UROS: variants seen among roughly 807,000 people sequenced by gnomAD.
UROS encodes uroporphyrinogen III synthase.
Under a neutral mutation model 33.0 loss-of-function variants are expected in UROS, and 18 were observed. The ratio of observed to expected loss-of-function variants is 0.55; its 90% CI spans 0.38 to 0.81. The LOEUF (loss-of-function observed/expected upper bound fraction) is 0.81, where lower values mean the gene tolerates loss of function less well. UROS is among the 30% of genes least tolerant of loss of function. UROS has a pLI of 0.00. For synonymous variants in UROS, 114 were observed against 121.1 expected, an observed-to-expected ratio of 0.94 and a Z score of 0.38; for missense variants, 293 against 314.9, an observed-to-expected ratio of 0.93 and a Z score of 0.53.
At chr10:125,790,811 C>T (rs183912988) in intron 9 of UROS, among the ~76,000 whole-genome samples, 1 of 146,264 alleles carries the variant, frequency 6.8e-6, no homozygotes, top group Non-Finnish European at 1.5e-5. Flanking sequence ...TATTCAGAGG[C>T]CAGGCGCCGT....
At chr10:125,800,827 C>T (rs906664053) in intron 6 of UROS, among the ~76,000 whole-genome samples, 3 of 152,186 alleles carry the variant, frequency 2.0e-5, no homozygotes, top group Non-Finnish European at 4.4e-5. Flanking sequence ...GCCTCGGCCT[C>T]CCAAAGTGCT....
intron 8 of UROS, chr10:125,795,249 T>G (rs997894241): frequency 2.0e-6 from 1 of 498,120 alleles, no homozygotes; most frequent in Non-Finnish European, 3.7e-6. Flanking sequence ...CCGGAGCTCA[T>G]GTGCCCAGCA....
intron 1 of UROS, chr10:125,819,661 A>T (rs1256245762): frequency 1.3e-5 from 2 of 152,516 alleles, no homozygotes; most frequent in Non-Finnish European, 2.9e-5. Context: ...CATCAAGCAG[A>T]TCAGAGGCAC....
At chr10:125,812,877 A>G (rs990149673) in intron 4 of UROS, among the ~76,000 whole-genome samples, 1 of 152,228 alleles carries the variant, frequency 6.6e-6, no homozygotes, top group Non-Finnish European at 1.5e-5. Context: ...AGAAACACAA[A>G]GAGAAAATGG....
At chr10:125,787,991 A>T (rs1292554016), downstream of UROS, among the ~76,000 whole-genome samples, 2 of 152,110 alleles carry the variant, frequency 1.3e-5, no homozygotes, top group African/African-American at 4.8e-5. Flanking sequence ...CTGTTTCCTC[A>T]CCAGAAAAAT....
intron 1 of UROS, among the ~76,000 whole-genome samples, chr10:125,820,158 G>A (rs1590024903): frequency 6.6e-6 from 1 of 152,174 alleles, no homozygotes; most frequent in East Asian, 1.9e-4. Flanking sequence ...AGAACCAATG[G>A]CATATATTTA....
chr10:125,786,278 C>CT (rs751762144), downstream of UROS, among the ~76,000 whole-genome samples: 1,499 of 138,524 alleles, frequency 0.011, 12 homozygotes, highest in Non-Finnish European at 0.015. Context: ...GCACATGAAC[C>CT]TTTTTTTTTT....
intron 1 of UROS, among the ~76,000 whole-genome samples, chr10:125,819,332 C>T (rs1212305173): frequency 6.6e-6 from 1 of 152,142 alleles, no homozygotes; most frequent in Non-Finnish European, 1.5e-5. Context: ...TTGCCTCGGT[C>T]ACTTTTTCTG....
chr10:125,791,774 T>C (rs942663644), intron 9 of UROS: 2 of 152,098 alleles, frequency 1.3e-5, no homozygotes, highest in Non-Finnish European at 2.9e-5. Flanking sequence ...GGTAAATCCA[T>C]GGAGATGAAA....
At chr10:125,822,368 T>C (rs1327448822) in intron 1 of UROS, among the ~76,000 whole-genome samples, 1 of 148,374 alleles carries the variant, frequency 6.7e-6, no homozygotes, top group Non-Finnish European at 1.5e-5. Flanking sequence ...CAGGCTGGAG[T>C]GTGGAGTGCG....
At chr10:125,816,153 G>A (rs749789205) in intron 3 of UROS, 24 bp downstream of exon 3, 9 of 1,602,386 alleles carry the variant, frequency 5.6e-6, no homozygotes, top group Non-Finnish European at 6.8e-6. Flanking sequence ...CACTAACATG[G>A]TGCTCAGTCA....
chr10:125,789,200 C>A, intron 9 of UROS, 195 bp from the exon 10 acceptor site: 2 of 1,439,436 alleles, frequency 1.4e-6, no homozygotes, highest in South Asian at 2.8e-5. Context: ...TGCATCCACG[C>A]TCTCATCAGT....
intron 3 of UROS, among the ~76,000 whole-genome samples, chr10:125,815,689 T>C (rs1281550471): frequency 6.6e-6 from 1 of 152,230 alleles, no homozygotes; most frequent in African/African-American, 2.4e-5. Context: ...TCTCCTGCAA[T>C]TTTTATCACT....
At chr10:125,797,584 TCA>T (rs1305790470) in intron 7 of UROS, among the ~76,000 whole-genome samples, 1 of 152,182 alleles carries the variant, frequency 6.6e-6, no homozygotes, top group Admixed American at 6.5e-5. Flanking sequence ...GCAGCATGCT[TCA>T]GAGGCAAGAA....
At chr10:125,821,239 T>G (rs1330010263) in intron 1 of UROS, among the ~76,000 whole-genome samples, 1 of 152,212 alleles carries the variant, frequency 6.6e-6, no homozygotes, top group Non-Finnish European at 1.5e-5. Context: ...GTAACCAAAA[T>G]GTTTACCGAC....
At chr10:125,819,275 C>G (rs762176854) in intron 1 of UROS, among the ~76,000 whole-genome samples, 2 of 152,204 alleles carry the variant, frequency 1.3e-5, no homozygotes, top group African/African-American at 4.8e-5. Flanking sequence ...AGCCACTGCA[C>G]CCGGCCTAAA....
chr10:125,812,398 G>A lies in UROS; in HGVS notation c.245-110C>T, dbSNP rs1007585309. The A allele has an allele frequency of 2.1e-5, 19 of 915,802 alleles. No individual in the cohort carries two copies. The African/African-American group carries it at 3.0e-4, about 14-fold the overall frequency. 56.7% of individuals were successfully genotyped at this position (915,802 alleles called of 1,614,324 possible). On this transcript the variant is annotated intron_variant, in intron 4 of 9. Coordinates refer to ENST00000368797, the MANE Select transcript of UROS (RefSeq NM_000375.3). ...AAACTGTGAGCAAAGCAAACTATTA[G>A]CAACCAAATGTAAAAAACAGCATCT...
At chr10:125,804,837 A>C (rs2133884019) in intron 6 of UROS, among the ~76,000 whole-genome samples, 1 of 152,304 alleles carries the variant, frequency 6.6e-6, no homozygotes, top group South Asian at 2.1e-4. Context: ...TATCACGGTT[A>C]CTGATGTATA....
intron 6 of UROS, among the ~76,000 whole-genome samples, chr10:125,806,847 C>A (rs1852380931): frequency 6.6e-6 from 1 of 152,272 alleles, no homozygotes; most frequent in Middle Eastern, 3.4e-3. Flanking sequence ...GTCAGCCTTC[C>A]CATCCCTCTT....
Sources: allele counts gnomAD v4.1 joint callset (sites outside exome capture counted in the v4.1 genomes callset), GRCh38; gene constraint gnomAD v4.1.1; transcripts MANE v1.5; gene names NCBI Gene and HGNC (gene_info 2026-07-23, HGNC 2026-07-21).